The following DNAH11 variants were observed in gnomAD, a reference collection of about 807,000 sequenced individuals.
The protein encoded by DNAH11 is dynein axonemal heavy chain 11.
DNAH11 carries 442 observed loss-of-function variants against 526.0 expected under a neutral mutation model. The observed-to-expected ratio is 0.84, with a 90% CI of 0.78 to 0.91. The LOEUF (loss-of-function observed/expected upper bound fraction) is 0.91. Among genes scored for constraint, DNAH11 ranks in the 40% least tolerant of loss-of-function variants. The probability of loss-of-function intolerance (pLI) is 0.00; values close to 1 mark genes in which losing one functional copy is unlikely to be tolerated. For synonymous variants in DNAH11, 2,461 were observed against 1,935.9 expected (o/e 1.27, Z -7.12); for missense variants, 6,989 against 5,448.7 (o/e 1.28, Z -8.90).
intron 2 of DNAH11, among the ~76,000 whole-genome samples, chr7:21,555,477 A>C (rs552708400): frequency 2.3e-4 from 35 of 152,262 alleles, no homozygotes; most frequent in African/African-American, 8.2e-4. Flanking sequence ...CTCAACCCCC[A>C]ACTACTGGAG....
At chr7:21,572,022 T>C (rs2128437241) in intron 8 of DNAH11, 49 bp downstream of exon 8, 1 of 1,404,200 alleles carries the variant, frequency 7.1e-7, no homozygotes, top group Non-Finnish European at 9.3e-7. Context: ...TATAATTTTA[T>C]AGCTGAAAAG....
chr7:21,787,570 T>A lies in DNAH11; in HGVS notation c.9911T>A (p.Ile3304Asn). 6.2e-7 allele frequency: 1 copy of A among 1,610,256 alleles called. No individual in the cohort carries two copies. The highest frequency in any genetic ancestry group is 8.5e-7 in the Non-Finnish European group (1 of 1,178,352). The change falls in exon 60 of 82, where the codon ATT becomes AAT. Residue 3304 changes from isoleucine (I) to asparagine (N), a missense_variant. Coordinates refer to ENST00000409508, the MANE Select transcript of DNAH11 (RefSeq NM_001277115.2). The part of the protein sequence containing the change: ...AGLCAWVINI[I>N]KFYEVYCDVE... Reference sequence around the variant, plus strand: ...CTGTGTGCCTGGGTCATCAACATCATTAAATTCTATGAGGTATCAATCCTA... The same window carrying A: ...CTGTGTGCCTGGGTCATCAACATCAATAAATTCTATGAGGTATCAATCCTA...
intron 2 of DNAH11, among the ~76,000 whole-genome samples, chr7:21,555,343 A>G (rs1783174598): frequency 6.6e-6 from 1 of 152,164 alleles, no homozygotes; most frequent in South Asian, 2.1e-4. Flanking sequence ...CATTCTTCCC[A>G]AAGGACTATC....
rs886038463 is a variant in DNAH11 at position 21,606,406 on chromosome 7, T to C, written c.3649-20T>C. On this transcript the variant is annotated intron_variant, in intron 18 of 81. Coordinates refer to ENST00000409508, the MANE Select transcript of DNAH11 (RefSeq NM_001277115.2). ...TTTAGGAATTGAAGTAATTTCGCAT[T>C]TGTGCCTTTGCTTTTGCAGGAATTA... 1.3e-6 allele frequency: 2 copies of C among 1,580,352 alleles called. No homozygotes were observed. Among genetic ancestry groups the C allele is most frequent in the African/African-American group, 2.7e-5 (2 of 73,876 alleles).
intron 35 of DNAH11, among the ~76,000 whole-genome samples, chr7:21,694,634 A>G (rs1783771016): frequency 1.3e-5 from 2 of 152,122 alleles, no homozygotes; most frequent in South Asian, 2.1e-4. Context: ...AGTCTTTGCT[A>G]TTGTAAATAG....
intron 29 of DNAH11, 136 bp from the exon 30 acceptor site, chr7:21,658,662 C>T (rs1782119268): frequency 1.6e-6 from 1 of 629,090 alleles, no homozygotes; most frequent in South Asian, 2.7e-5. Flanking sequence ...AGTTATGCCT[C>T]TTGCAGTTTT....
At chr7:21,675,223 C>T (rs1402613057) in intron 30 of DNAH11, among the ~76,000 whole-genome samples, 2 of 152,342 alleles carry the variant, frequency 1.3e-5, no homozygotes, top group Non-Finnish European at 2.9e-5. Context: ...CATGCTTGGG[C>T]ACTTGCCTTC....
In DNAH11 at chr7:21,619,939, A is replaced by AATTTG. The variant is rs1554322311; in HGVS notation, c.4378-17_4378-16insATTTG. ...CAATTAAATTTTGTGCACATTAATT[A>AATTTG]TATTGTTGATTACTAGGTTATTACT... is the stretch of plus-strand genomic sequence containing the variant. On this transcript the variant is annotated splice_polypyrimidine_tract_variant and intron_variant, in intron 24 of 81. Transcript: ENST00000409508. 9.7e-5 allele frequency: 153 copies of AATTTG among 1,582,244 alleles called. No individual in the cohort carries two copies. The South Asian group carries it at 1.6e-3, about 17-fold the overall frequency.
chr7:21,587,368 A>G (rs536571162), intron 9 of DNAH11, among the ~76,000 whole-genome samples: 29 of 152,078 alleles, frequency 1.9e-4, no homozygotes, highest in Non-Finnish European at 3.7e-4. Flanking sequence ...CTCCTGTCCC[A>G]CTATCAGTTG....
intron 47 of DNAH11, among the ~76,000 whole-genome samples, chr7:21,739,355 C>T (rs1319390749): frequency 6.6e-6 from 1 of 152,116 alleles, no homozygotes; most frequent in African/African-American, 2.4e-5. Context: ...TGACGCAGCT[C>T]CAGATCTTGA....
chr7:21,887,645 T>C (rs1784174263), intron 76 of DNAH11, among the ~76,000 whole-genome samples: 1 of 152,322 alleles, frequency 6.6e-6, no homozygotes, highest in African/African-American at 2.4e-5. Context: ...AACAATATGC[T>C]TAATAAATGG....
chr7:21,719,211 T>G (rs1452175221), intron 43 of DNAH11, among the ~76,000 whole-genome samples: 2 of 152,228 alleles, frequency 1.3e-5, no homozygotes, highest in East Asian at 3.8e-4. Context: ...TATAGAGTAA[T>G]TTCTCTTCTG....
intron 45 of DNAH11, among the ~76,000 whole-genome samples, chr7:21,732,688 T>G (rs1265638503): frequency 6.6e-6 from 1 of 152,220 alleles, no homozygotes; most frequent in Non-Finnish European, 1.5e-5. Flanking sequence ...GCAGATTAAT[T>G]CTGTGACCTG....
chr7:21,633,269 G>C (rs1786702056), intron 25 of DNAH11, among the ~76,000 whole-genome samples: 1 of 152,154 alleles, frequency 6.6e-6, no homozygotes, highest in South Asian at 2.1e-4. Flanking sequence ...ATTTGCACTT[G>C]AGAAAAATCT....
rs547789860 is a variant in DNAH11 at position 21,626,972 on chromosome 7, G to A, written c.4500+6894G>A. Among the ~76,000 whole-genome samples the A allele has an allele frequency of 5.3e-5, 8 of 152,020 alleles. No homozygotes were observed. In the South Asian group the frequency reaches 8.3e-4, roughly 16 times the overall value. ...TCACTGTGTTAGCCAGGATGGTCTC[G>A]ATCTCCTGACCTCGTGATCTGTGTG... On this transcript the variant is annotated intron_variant, in intron 25 of 81. Coordinates refer to ENST00000409508, the MANE Select transcript of DNAH11 (RefSeq NM_001277115.2).
chr7:21,779,527 C>T (rs2127982789), intron 57 of DNAH11, among the ~76,000 whole-genome samples: 1 of 152,302 alleles, frequency 6.6e-6, no homozygotes, highest in Non-Finnish European at 1.5e-5. Flanking sequence ...TTTAATAATA[C>T]AACTGGAGTT....
intron 76 of DNAH11, among the ~76,000 whole-genome samples, chr7:21,891,537 G>A (rs867505363): frequency 1.3e-5 from 2 of 152,132 alleles, no homozygotes; most frequent in African/African-American, 4.8e-5. Flanking sequence ...CAGAGACTCA[G>A]GCTCATAAAT....
intron 23 of DNAH11, among the ~76,000 whole-genome samples, chr7:21,617,978 C>T (rs375476778): frequency 2.6e-5 from 4 of 152,234 alleles, no homozygotes; most frequent in East Asian, 3.8e-4. Flanking sequence ...CTCCTCCAGG[C>T]TGTCCCCAGG....
intron 8 of DNAH11, among the ~76,000 whole-genome samples, chr7:21,577,851 G>A (rs567308898): frequency 6.6e-6 from 1 of 152,284 alleles, no homozygotes; most frequent in East Asian, 1.9e-4. Context: ...ACAATCAGTA[G>A]ATGCCAATAC....
Sources: allele counts gnomAD v4.1 joint callset (sites outside exome capture counted in the v4.1 genomes callset), GRCh38; gene constraint gnomAD v4.1.1; transcripts MANE v1.5; gene names NCBI Gene and HGNC (gene_info 2026-07-23, HGNC 2026-07-21).